The following UBE2F variants were observed in gnomAD, a reference collection of about 807,000 sequenced individuals.
UBE2F encodes the protein NEDD8-conjugating enzyme UBE2F.
A neutral mutation model predicts 29.6 loss-of-function variants in UBE2F; 5 were observed. The ratio of observed to expected loss-of-function variants is 0.17; its 90% CI spans 0.09 to 0.36. The LOEUF is 0.36. UBE2F is among the 10% of genes least tolerant of loss of function. The probability of loss-of-function intolerance (pLI) is 1.00; values close to 1 mark genes in which losing one functional copy is unlikely to be tolerated. For synonymous variants in UBE2F, 66 were observed against 81.8 expected (o/e 0.81, Z 1.04); for missense variants, 141 against 228.5 (o/e 0.62, Z 2.47).
At chr2:237,984,163 A>C (rs1576596216) in intron 2 of UBE2F, among the ~76,000 whole-genome samples, 1 of 149,588 alleles carries the variant, frequency 6.7e-6, no homozygotes, top group African/African-American at 2.5e-5. Context: ...GCCATCTTTG[A>C]CCCCCTCCAC....
rs1186499042 is a variant in UBE2F, at chr2:237,988,339, T to C, written c.148+347T>C. ...GGCGCATGCCTGTAGTTCCAGCTAC[T>C]TGGGAGGCTGAGGCAGGAGAATCAC... is the stretch of plus-strand genomic sequence containing the variant. On this transcript the variant is annotated intron_variant, in intron 3 of 9. Coordinates refer to ENST00000272930, the MANE Select transcript of UBE2F (RefSeq NM_080678.3). Among the ~76,000 whole-genome samples the C allele has an allele frequency of 2.6e-5, 4 of 152,086 alleles. No individual in the cohort carries two copies. The East Asian group carries it at 5.8e-4, about 22-fold the overall frequency.
chr2:238,030,748 C>T, intron 7 of UBE2F, 135 bp downstream of exon 7: 5 of 687,358 alleles, frequency 7.3e-6, no homozygotes. Flanking sequence ...CCTGCCTCCT[C>T]TTCTCCCTGC....
At chr2:237,975,565 G>A (rs1199231620) in intron 2 of UBE2F, among the ~76,000 whole-genome samples, 2 of 152,218 alleles carry the variant, frequency 1.3e-5, no homozygotes, top group African/African-American at 4.8e-5. Flanking sequence ...GCTGGTGTAT[G>A]TAAATGTGCT....
At chr2:238,036,223 A>T (rs1252919722) in intron 9 of UBE2F, among the ~76,000 whole-genome samples, 1 of 152,092 alleles carries the variant, frequency 6.6e-6, no homozygotes, top group Non-Finnish European at 1.5e-5. Context: ...CCCAGGCTGG[A>T]GTGCAGTGTT....
chr2:238,001,429 T>C (rs1345408092), intron 4 of UBE2F, among the ~76,000 whole-genome samples: 1 of 152,184 alleles, frequency 6.6e-6, no homozygotes, highest in Non-Finnish European at 1.5e-5. Context: ...TTTATTGATA[T>C]TACATATAGA....
At chr2:237,988,634 A>G (rs1358585707) in intron 3 of UBE2F, among the ~76,000 whole-genome samples, 1 of 150,304 alleles carries the variant, frequency 6.7e-6, no homozygotes, top group Non-Finnish European at 1.5e-5. Flanking sequence ...AAAAAAAAAA[A>G]GAGCAAGGTT....
In UBE2F at chr2:238,001,128, G is replaced by A. The variant is rs13403171; in HGVS notation, c.214+6319G>A. Among the ~76,000 whole-genome samples, 798 of 145,176 alleles carry A rather than the reference G, an allele frequency of 5.5e-3. 7 individuals carry two copies. Among genetic ancestry groups the A allele is most frequent in the African/African-American group, 0.019 (741 of 39,232 alleles). Reference sequence around the variant, plus strand: ...CGGCTCACCGCAACCTCCGCTTCCTGGTTCAAGCGATTCTCCTGCCTCAGC... The same window carrying A: ...CGGCTCACCGCAACCTCCGCTTCCTAGTTCAAGCGATTCTCCTGCCTCAGC... On this transcript the variant is annotated intron_variant, in intron 4 of 9. Transcript: ENST00000272930.
intron 4 of UBE2F, among the ~76,000 whole-genome samples, chr2:238,016,128 C>G (rs62194542): frequency 6.6e-6 from 1 of 152,026 alleles, no homozygotes; most frequent in East Asian, 1.9e-4. Flanking sequence ...GTTGGGTGCT[C>G]AGTAAGGGTT....
intron 1 of UBE2F, chr2:237,968,768 G>A: frequency 1.2e-6 from 1 of 828,280 alleles, no homozygotes; most frequent in Non-Finnish European, 1.5e-6. Flanking sequence ...TAGAAACTGA[G>A]AATGCTGTTC....
intron 4 of UBE2F, among the ~76,000 whole-genome samples, chr2:238,004,788 G>A (rs2063867213): frequency 6.6e-6 from 1 of 152,180 alleles, no homozygotes; most frequent in Non-Finnish European, 1.5e-5. Flanking sequence ...TCCTTAAAGT[G>A]GAAAGGGAGA....
At chr2:237,996,478 T>G (rs567978720) in intron 4 of UBE2F, among the ~76,000 whole-genome samples, 10,246 of 52,246 alleles carry the variant, frequency 0.2, 1,198 homozygotes, top group African/African-American at 0.49. Context: ...CCCTCCGCGT[T>G]TTTTTTTTTT....
rs1013323534 is a variant in UBE2F at position 238,040,576 on chromosome 2, A to G, written c.508-712A>G. Reference sequence around the variant, plus strand: ...GGGTTAAGAGCTCCAAGTCATTCTTACGGCTCATACAGTCCCATGGGATTT... The same window carrying G: ...GGGTTAAGAGCTCCAAGTCATTCTTGCGGCTCATACAGTCCCATGGGATTT... On this transcript the variant is annotated intron_variant, in intron 9 of 9. Transcript: ENST00000272930. The surrounding 1 kb of genome is among the most constrained non-coding windows in gnomAD (Gnocchi z 4.4). Among the ~76,000 whole-genome samples, 6 of 152,164 alleles carry G rather than the reference A, an allele frequency of 3.9e-5. No individual in the cohort carries two copies. The highest frequency in any genetic ancestry group is 1.4e-4 in the African/African-American group (6 of 41,436).
chr2:238,018,316 C>T (rs1352261954), intron 5 of UBE2F, among the ~76,000 whole-genome samples: 1 of 152,202 alleles, frequency 6.6e-6, no homozygotes, highest in Admixed American at 6.5e-5. Context: ...ACATACCGTT[C>T]TGGATGTCAT....
At chr2:237,991,668 T>C (rs949336724) in intron 3 of UBE2F, among the ~76,000 whole-genome samples, 1 of 141,048 alleles carries the variant, frequency 7.1e-6, no homozygotes, top group African/African-American at 2.6e-5. Context: ...AGTGGCGCGA[T>C]CTCGGCTCAC....
At chr2:238,038,505 G>A (rs924448745) in intron 9 of UBE2F, among the ~76,000 whole-genome samples, 5 of 152,232 alleles carry the variant, frequency 3.3e-5, no homozygotes, top group Admixed American at 6.5e-5. Flanking sequence ...GTCTGCTGTC[G>A]TTGGCGAGGA....
rs561685445 is a variant in UBE2F, at chr2:237,982,081, A to G, written c.119-5882A>G. 6.6e-6 allele frequency among the ~76,000 whole-genome samples: 1 copy of G among 152,340 alleles called. No individual in the cohort carries two copies. Among genetic ancestry groups the G allele is most frequent in the South Asian group, 2.1e-4 (1 of 4,830 alleles). On this transcript the variant is annotated intron_variant, in intron 2 of 9. Coordinates refer to ENST00000272930, the MANE Select transcript of UBE2F (RefSeq NM_080678.3). The surrounding 1 kb of genome is among the most constrained non-coding windows in gnomAD (Gnocchi z 4.1). ...TGTACTACAATTTATTGAATCATTTACTTAAAATGGGTCTATTTGATTGTA... is the reference window on the plus strand; with the variant it reads ...TGTACTACAATTTATTGAATCATTTGCTTAAAATGGGTCTATTTGATTGTA...
chr2:238,033,158 C>T (rs2064624993), intron 8 of UBE2F, among the ~76,000 whole-genome samples: 1 of 152,146 alleles, frequency 6.6e-6, no homozygotes, highest in Non-Finnish European at 1.5e-5. Flanking sequence ...GAGGGCTTTT[C>T]ATGAGTCCAG....
chr2:238,039,714 A>G (rs1412844825), intron 9 of UBE2F, among the ~76,000 whole-genome samples: 8 of 152,210 alleles, frequency 5.3e-5, no homozygotes, highest in African/African-American at 1.9e-4. Flanking sequence ...GGAGGGAGGC[A>G]GCAGAGGCTG....
chr2:238,002,519 G>A (rs910873389), intron 4 of UBE2F, among the ~76,000 whole-genome samples: 2 of 151,956 alleles, frequency 1.3e-5, no homozygotes, highest in African/African-American at 4.8e-5. Flanking sequence ...TTACAGGCAT[G>A]AGCCGCTGCA....
Sources: allele counts gnomAD v4.1 joint callset (sites outside exome capture counted in the v4.1 genomes callset), GRCh38; gene constraint gnomAD v4.1.1; non-coding constraint Gnocchi (gnomAD v3.1); transcripts MANE v1.5; gene names NCBI Gene and HGNC (gene_info 2026-07-23, HGNC 2026-07-21).